Variants in ASPRV1 observed in about 807,000 individuals in gnomAD.
ASPRV1 encodes the protein retroviral-like aspartic protease 1.
In ASPRV1, 7 loss-of-function variants were observed where a neutral mutation model predicts 11.0. That is an observed-to-expected ratio of 0.64 (90% CI 0.36 to 1.20). The LOEUF (loss-of-function observed/expected upper bound fraction) is 1.20, where lower values mean the gene tolerates loss of function less well. Ranked by LOEUF, ASPRV1 falls within the 50% of genes most tolerant of loss-of-function variation. The pLI is 0.02. For synonymous variants in ASPRV1, 136 were observed against 138.4 expected, an observed-to-expected ratio of 0.98 and a Z score of 0.12; for missense variants, 299 against 320.0, an observed-to-expected ratio of 0.93 and a Z score of 0.50.
chr2:70,008,820 G>A, the ASPRV1 span, among the ~76,000 whole-genome samples: 3 of 151,982 alleles, frequency 2.0e-5, no homozygotes. Flanking sequence ...GGGAGGACAG[G>A]GCTAAAAGGG....
chr2:70,007,275 T>C, the ASPRV1 span, among the ~76,000 whole-genome samples: 1 of 152,186 alleles, frequency 6.6e-6, no homozygotes, highest in African/African-American at 2.4e-5. Flanking sequence ...CCCAGCACCT[T>C]GGGAGGCTGA....
At chr2:69,955,122 C>T (rs141611798), downstream of ASPRV1, among the ~76,000 whole-genome samples, 702 of 152,370 alleles carry the variant, frequency 4.6e-3, 4 homozygotes, top group African/African-American at 0.016. Context: ...GGACTCAATA[C>T]AGGAGCAGTG....
chr2:69,990,467 A>G, the ASPRV1 span, among the ~76,000 whole-genome samples: 2 of 152,082 alleles, frequency 1.3e-5, no homozygotes, highest in African/African-American at 4.8e-5. Context: ...TACAGGCATG[A>G]GCCACTGTGC....
chr2:70,017,948 T>C, the ASPRV1 span: 1 of 152,006 alleles, frequency 6.6e-6, no homozygotes, highest in Non-Finnish European at 1.5e-5. Flanking sequence ...GAGACCACAC[T>C]GGGCAACATG....
the ASPRV1 span, among the ~76,000 whole-genome samples, chr2:70,034,525 T>C: frequency 0.54 from 81,043 of 150,870 alleles, 25,244 homozygotes; most frequent in African/African-American, 0.86. Flanking sequence ...AAGCAGGGAT[T>C]GCGCCACTGC....
At chr2:69,937,452 G>GAGGA in the ASPRV1 span, 1 of 1,505,080 alleles carries the variant, frequency 6.6e-7, no homozygotes, top group African/African-American at 1.4e-5. Flanking sequence ...CCAGAGCAGG[G>GAGGA]GTTCAGTACT....
the ASPRV1 span, among the ~76,000 whole-genome samples, chr2:70,084,689 G>A: frequency 1.3e-5 from 2 of 152,078 alleles, no homozygotes; most frequent in Non-Finnish European, 2.9e-5. Context: ...AACAAATATT[G>A]TTTTGCAAAA....
chr2:69,978,968 C>T, the ASPRV1 span, among the ~76,000 whole-genome samples: 1 of 152,200 alleles, frequency 6.6e-6, no homozygotes, highest in Admixed American at 6.5e-5. Context: ...TTTCCTCCTC[C>T]TCCCATTCCA....
At chr2:70,004,670 A>T in the ASPRV1 span, among the ~76,000 whole-genome samples, 1 of 152,112 alleles carries the variant, frequency 6.6e-6, no homozygotes, top group East Asian at 1.9e-4. Flanking sequence ...ATTTTCTTAT[A>T]TGGTAGAATC....
chr2:69,986,253 G>C, the ASPRV1 span, among the ~76,000 whole-genome samples: 5 of 152,322 alleles, frequency 3.3e-5, no homozygotes, highest in East Asian at 5.8e-4. Context: ...CCTGCTTCCT[G>C]CATGGGCAAC....
At chr2:69,978,023 C>G in the ASPRV1 span, among the ~76,000 whole-genome samples, 1 of 152,168 alleles carries the variant, frequency 6.6e-6, no homozygotes, top group Non-Finnish European at 1.5e-5. Context: ...CTCAGACATC[C>G]CCTACCCTGC....
At chr2:70,086,435 A>T in the ASPRV1 span, 2 of 152,292 alleles carry the variant, frequency 1.3e-5, no homozygotes, top group Non-Finnish European at 2.9e-5. Flanking sequence ...CACAACTCAT[A>T]GGCCAGCGTC....
At chr2:70,011,921 C>T in the ASPRV1 span, 3 of 152,598 alleles carry the variant, frequency 2.0e-5, no homozygotes, top group African/African-American at 2.4e-5. Flanking sequence ...GCAGCATCAC[C>T]GCTAAGGGAG....
At chr2:70,033,233 A>G in the ASPRV1 span, among the ~76,000 whole-genome samples, 1 of 151,700 alleles carries the variant, frequency 6.6e-6, no homozygotes, top group Non-Finnish European at 1.5e-5. Flanking sequence ...GCTGTCCCAG[A>G]TACAGGACTC....
the ASPRV1 span, chr2:70,081,438 T>C: frequency 5.3e-5 from 8 of 151,102 alleles, no homozygotes; most frequent in African/African-American, 1.7e-4. Flanking sequence ...GAGGTTGCAG[T>C]GAGCCGAGAT....
At chr2:69,979,208 T>A in the ASPRV1 span, among the ~76,000 whole-genome samples, 1 of 152,264 alleles carries the variant, frequency 6.6e-6, no homozygotes, top group East Asian at 1.9e-4. Context: ...CTAATTTTTG[T>A]ATTTTTAGTA....
the ASPRV1 span, among the ~76,000 whole-genome samples, chr2:70,037,038 C>T: frequency 3.3e-5 from 5 of 152,194 alleles, no homozygotes; most frequent in African/African-American, 1.2e-4. Context: ...GGAGTCTCCA[C>T]TCCCACCTAT....
At chr2:69,993,516 G>A in the ASPRV1 span, 2 of 152,174 alleles carry the variant, frequency 1.3e-5, no homozygotes, top group African/African-American at 4.8e-5. Context: ...AGATCACAGT[G>A]ACCTTGGTCT....
chr2:70,005,126 C>T, the ASPRV1 span, among the ~76,000 whole-genome samples: 4 of 152,116 alleles, frequency 2.6e-5, no homozygotes, highest in South Asian at 4.1e-4. Context: ...CAGTGGCAAT[C>T]GCAGCTCATT....
Sources: gnomAD v4.1 joint callset for allele counts (sites outside exome capture counted in the v4.1 genomes callset) on GRCh38, gnomAD v4.1.1 for gene constraint, MANE v1.5 for transcripts, NCBI Gene and HGNC (gene_info 2026-07-23, HGNC 2026-07-21) for gene names.